SYN3: variants seen among roughly 807,000 people sequenced by gnomAD.
The protein encoded by SYN3 is synapsin III, also known as synapsin-3.
In SYN3, 35 loss-of-function variants were observed where a neutral mutation model predicts 65.8. The ratio of observed to expected loss-of-function variants is 0.53; its 90% CI spans 0.41 to 0.70. SYN3 has a LOEUF of 0.70. Among genes scored for constraint, SYN3 ranks in the 30% least tolerant of loss-of-function variants. The probability of loss-of-function intolerance (pLI) is 0.00; values close to 1 mark genes in which losing one functional copy is unlikely to be tolerated. For missense variants in SYN3, 680 were observed against 749.0 expected, an observed-to-expected ratio of 0.91 and a Z score of 1.08; for synonymous variants, 270 against 292.9, an observed-to-expected ratio of 0.92 and a Z score of 0.80.
chr22:32,660,652 C>G (rs1440931423), intron 6 of SYN3, among the ~76,000 whole-genome samples: 1 of 152,356 alleles, frequency 6.6e-6, no homozygotes, highest in South Asian at 2.1e-4. Flanking sequence ...TGGAGCTCCC[C>G]TTGTCCCCAA....
At chr22:32,596,626 G>A in intron 7 of SYN3, 48 bp downstream of exon 7, 1 of 1,595,262 alleles carries the variant, frequency 6.3e-7, no homozygotes. Context: ...GGTAGTCTGG[G>A]GAATCTCTGG....
chr22:32,784,950 C>G (rs1033525091), intron 6 of SYN3: 1 of 152,216 alleles, frequency 6.6e-6, no homozygotes, highest in Non-Finnish European at 1.5e-5. Context: ...TCTTCTGAGA[C>G]AGAGGAGCCT....
intron 6 of SYN3, among the ~76,000 whole-genome samples, chr22:32,775,708 G>GATGTGA (rs11282480): frequency 0.71 from 107,029 of 151,668 alleles, 38,314 homozygotes; most frequent in African/African-American, 0.83. Context: ...CCACTTCCTG[G>GATGTGA]CCCTTTGAGA....
At chr22:32,741,347 A>ATTTTTTTTTT (rs71187210) in intron 6 of SYN3, among the ~76,000 whole-genome samples, 1 of 98,650 alleles carries the variant, frequency 1.0e-5, no homozygotes, top group Non-Finnish European at 2.0e-5. Context: ...CTAGAGCCCA[A>ATTTTTTTTTT]TTTTTTTTTT....
chr22:32,939,638 C>T (rs1197500709), intron 3 of SYN3, among the ~76,000 whole-genome samples: 2 of 152,148 alleles, frequency 1.3e-5, no homozygotes, highest in Admixed American at 6.5e-5. Flanking sequence ...TTGGTATTTG[C>T]CTTCTTTCAT....
At chr22:32,848,590 G>T (rs2048133989) in intron 6 of SYN3, among the ~76,000 whole-genome samples, 1 of 152,132 alleles carries the variant, frequency 6.6e-6, no homozygotes, top group Non-Finnish European at 1.5e-5. Context: ...CATTTTTGGT[G>T]ATGATAATGA....
chr22:33,002,904 T>C (rs2053101667), intron 2 of SYN3, among the ~76,000 whole-genome samples: 1 of 152,174 alleles, frequency 6.6e-6, no homozygotes, highest in Non-Finnish European at 1.5e-5. Context: ...CTATGTGTTG[T>C]GGGAGGGATT....
chr22:32,552,437 T>C (rs978362671), intron 7 of SYN3, among the ~76,000 whole-genome samples: 15 of 151,484 alleles, frequency 9.9e-5, no homozygotes, highest in African/African-American at 2.9e-4. Flanking sequence ...TTTTCTTTTT[T>C]TTTTTTTTTA....
chr22:32,666,997 T>C (rs1224483873), intron 6 of SYN3, among the ~76,000 whole-genome samples: 1 of 152,162 alleles, frequency 6.6e-6, no homozygotes, highest in Non-Finnish European at 1.5e-5. Flanking sequence ...CAAGGTCTGG[T>C]TGAAAAGTGA....
chr22:32,581,226 C>T (rs2058936570), intron 7 of SYN3, among the ~76,000 whole-genome samples: 1 of 152,218 alleles, frequency 6.6e-6, no homozygotes, highest in Non-Finnish European at 1.5e-5. Flanking sequence ...TCTTGTGCTT[C>T]AGCTTCCTGA....
intron 1 of SYN3, among the ~76,000 whole-genome samples, chr22:33,052,978 A>G (rs1161690478): frequency 6.6e-6 from 1 of 152,226 alleles, no homozygotes; most frequent in East Asian, 1.9e-4. Flanking sequence ...AGAGTGTGGC[A>G]ACCACTGATC....
At chr22:33,015,356 T>TA (rs1278740275) in intron 1 of SYN3, 1 of 582,326 alleles carries the variant, frequency 1.7e-6, no homozygotes, top group Non-Finnish European at 2.9e-6. Flanking sequence ...TCAAAGAACT[T>TA]ACTGTACAGG....
intron 7 of SYN3, among the ~76,000 whole-genome samples, chr22:32,556,834 T>TTGTG (rs1569035455): frequency 7.7e-5 from 10 of 129,290 alleles, no homozygotes; most frequent in Non-Finnish European, 1.1e-4. Context: ...TTTTTTTTTT[T>TTGTG]TGTGTGTAGA....
At chr22:33,002,290 T>C (rs573683559) in intron 2 of SYN3, among the ~76,000 whole-genome samples, 1 of 152,356 alleles carries the variant, frequency 6.6e-6, no homozygotes, top group South Asian at 2.1e-4. Context: ...AAAGTCAGAC[T>C]GATGGTCTGA....
At chr22:32,875,637 G>A (rs1478446663) in intron 4 of SYN3, among the ~76,000 whole-genome samples, 1 of 152,156 alleles carries the variant, frequency 6.6e-6, no homozygotes, top group African/African-American at 2.4e-5. Flanking sequence ...AGGAGAAGAG[G>A]GAAATTCGGA....
chr22:32,552,449 T>C (rs1179329877), intron 7 of SYN3, among the ~76,000 whole-genome samples: 1 of 150,194 alleles, frequency 6.7e-6, no homozygotes, highest in African/African-American at 2.4e-5. Context: ...TTTTTTTTAG[T>C]GTGAGGCTAA....
intron 3 of SYN3, among the ~76,000 whole-genome samples, chr22:32,950,960 C>T (rs774058451): frequency 4.6e-5 from 7 of 152,100 alleles, no homozygotes; most frequent in African/African-American, 7.2e-5. Flanking sequence ...AAATTCTACC[C>T]TAATTCCTAG....
chr22:32,553,429 C>A (rs1194670379), intron 7 of SYN3, among the ~76,000 whole-genome samples: 1 of 152,220 alleles, frequency 6.6e-6, no homozygotes, highest in East Asian at 1.9e-4. Context: ...TAATTCTAAA[C>A]CTCAAGCCTC....
At chr22:33,031,838 G>T (rs1029377354) in intron 1 of SYN3, among the ~76,000 whole-genome samples, 4 of 152,150 alleles carry the variant, frequency 2.6e-5, no homozygotes, top group Non-Finnish European at 5.9e-5. Flanking sequence ...GCTGTGATGG[G>T]AAGGGAGGCC....
Sources: gnomAD v4.1 joint callset for allele counts (sites outside exome capture counted in the v4.1 genomes callset) on GRCh38, gnomAD v4.1.1 for gene constraint, MANE v1.5 for transcripts, NCBI Gene and HGNC (gene_info 2026-07-23, HGNC 2026-07-21) for gene names.